MUC22: variants seen among roughly 807,000 people sequenced by gnomAD.
The protein encoded by MUC22 is mucin-22.
Under a neutral mutation model 40.3 loss-of-function variants are expected in MUC22, and 24 were observed. The ratio of observed to expected loss-of-function variants is 0.60; its 90% CI spans 0.43 to 0.84. The LOEUF (loss-of-function observed/expected upper bound fraction) is 0.84. Ranked by LOEUF, MUC22 falls within the 40% of genes least tolerant of loss-of-function variation. MUC22 has a pLI of 0.00. For missense variants in MUC22, 1,926 were observed against 2,130.7 expected, an observed-to-expected ratio of 0.90 and a Z score of 1.89; for synonymous variants, 765 against 844.5, an observed-to-expected ratio of 0.91 and a Z score of 1.63.
chr6:31,024,386 G>A (rs1765103502), intron 1 of MUC22, among the ~76,000 whole-genome samples: 1 of 49,244 alleles, frequency 2.0e-5, no homozygotes, highest in Admixed American at 1.6e-4. Context: ...AGTATTGAAG[G>A]ATAATGAGAC....
chr6:31,034,963 G>A lies in MUC22; in HGVS notation c.*25G>A, dbSNP rs1224069776. On this transcript the variant is annotated 3_prime_UTR_variant, in exon 4 of 4. Transcript: ENST00000561890. ...AGGACACCATGGAGTGGATCACAGA[G>A]GGAGCCACCAAGGAGGCCACGGCAG... 10 of 1,526,800 alleles carry A rather than the reference G, an allele frequency of 6.5e-6. No homozygotes were observed. In the Admixed American group the frequency reaches 7.9e-5, roughly 12 times the overall value. 94.6% of individuals were successfully genotyped at this position (1,526,800 alleles called of 1,614,324 possible). A position where few individuals can be genotyped will look rare whatever the true frequency, so the allele number is the denominator to read the frequency against.
At chr6:31,033,271 GGAAGA>G (rs1404178290) in intron 3 of MUC22, among the ~76,000 whole-genome samples, 27 of 147,012 alleles carry the variant, frequency 1.8e-4, no homozygotes, top group African/African-American at 5.0e-4. Flanking sequence ...GAGAAAGAAA[GGAAGA>G]AAGAAAGAAA....
At chr6:31,031,316 C>A (rs1766049139) in intron 2 of MUC22, among the ~76,000 whole-genome samples, 1 of 152,128 alleles carries the variant, frequency 6.6e-6, no homozygotes, top group South Asian at 2.1e-4. Context: ...CTCACCTCAC[C>A]TTTGCTGATC....
intron 1 of MUC22, among the ~76,000 whole-genome samples, chr6:31,023,132 C>CAA (rs1192808379): frequency 7.4e-6 from 1 of 134,286 alleles, no homozygotes; most frequent in Non-Finnish European, 1.6e-5. Context: ...GCTCAAAAAA[C>CAA]AAAACAAAAC....
upstream of MUC22, among the ~76,000 whole-genome samples, chr6:31,008,508 G>C (rs945086643): frequency 6.6e-6 from 1 of 151,906 alleles, no homozygotes; most frequent in Non-Finnish European, 1.5e-5. Flanking sequence ...ATATGGCCAA[G>C]TATTTACCCA....
intron 1 of MUC22, among the ~76,000 whole-genome samples, chr6:31,021,117 T>G (rs1270709356): frequency 1.3e-5 from 2 of 152,230 alleles, no homozygotes; most frequent in Non-Finnish European, 2.9e-5. Context: ...GCGCATGGCG[T>G]AGGACTGGCA....
rs28993413 is a variant in MUC22 at position 31,016,132 on chromosome 6, CTTTT to C, written c.70+5367_70+5370del. Among the ~76,000 whole-genome samples, 7 of 139,592 alleles carry C rather than the reference CTTTT, an allele frequency of 5.0e-5. 1 individual carries two copies. The highest frequency in any genetic ancestry group is 2.1e-4 in the East Asian group (1 of 4,846). The allele number at this position is 139,592 out of a possible 152,430, so 91.6% of individuals were successfully genotyped here. Reference sequence around the variant, plus strand: ...ACCATTTTTAAGATGGCATCTCTTACTTTTTTTTTTTTTTGTGGGTGCTATACTT... The same window carrying C: ...ACCATTTTTAAGATGGCATCTCTTACTTTTTTTTTTGTGGGTGCTATACTT... On this transcript the variant is annotated intron_variant, in intron 1 of 3. Coordinates refer to ENST00000561890, the Ensembl canonical transcript of MUC22.
exon 4 of MUC22, chr6:31,035,036 T>G: frequency 8.0e-7 from 1 of 1,252,988 alleles, no homozygotes. Context: ...ATATTATGGG[T>G]GGGAGGGGGT....
At chr6:31,016,874 C>G (rs1372463194) in intron 1 of MUC22, among the ~76,000 whole-genome samples, 1 of 152,132 alleles carries the variant, frequency 6.6e-6, no homozygotes, top group Admixed American at 6.5e-5. Flanking sequence ...CCTCGGGGGG[C>G]CCCACACTCT....
chr6:31,015,151 A>G (rs1764104166), intron 1 of MUC22, among the ~76,000 whole-genome samples: 1 of 152,006 alleles, frequency 6.6e-6, no homozygotes, highest in African/African-American at 2.4e-5. Context: ...GCAGATAAAT[A>G]TTGTTTCCTG....
Position 31,034,657 on chromosome 6 carries a change from A to ATTTT in MUC22, c.5056-11_5056-8dup. 2 of 1,519,404 alleles carry ATTTT rather than the reference A, an allele frequency of 1.3e-6. No individual in the cohort carries two copies. Among genetic ancestry groups the ATTTT allele is most frequent in the East Asian group, 2.5e-5 (1 of 40,700 alleles). 94.1% of individuals were successfully genotyped at this position (1,519,404 alleles called of 1,614,324 possible). A position where few individuals can be genotyped will look rare whatever the true frequency, so the allele number is the denominator to read the frequency against. On this transcript the variant is annotated splice_polypyrimidine_tract_variant and intron_variant, in intron 3 of 3. Coordinates refer to ENST00000561890, the Ensembl canonical transcript of MUC22. ...TTAATTTTCATTTATCAATGTATTTATTTTTTTCTTTTAGAGAAACCTTTT... is the reference window on the plus strand; with the variant it reads ...TTAATTTTCATTTATCAATGTATTTATTTTTTTTTTTCTTTTAGAGAAACCTTTT...
At chr6:31,025,012 G>A (rs41291750) in intron 1 of MUC22, among the ~76,000 whole-genome samples, 2 of 151,730 alleles carry the variant, frequency 1.3e-5, no homozygotes, top group South Asian at 2.1e-4. Context: ...TGGGATTATA[G>A]GCATGCGCCA....
rs1016024607 is a variant in MUC22 at position 31,032,266 on chromosome 6, G to T, written c.4740G>T (p.Thr1580=). 1 of 1,535,424 alleles carries T rather than the reference G, an allele frequency of 6.5e-7. No individual in the cohort carries two copies. The highest frequency in any genetic ancestry group is 8.7e-7 in the Non-Finnish European group (1 of 1,146,898). ...CCATGGCCCCTGGAATGGACTTCAC[G>T]GCCTCTGCTGCCAGCCATACTGTGC... Residue 1580 remains threonine, a synonymous_variant, in exon 3 of 4, where the codon ACG becomes ACT. Transcript: ENST00000561890. This position sits in a 1 kb window ranked among gnomAD's most constrained non-coding sequence, Gnocchi z 4.1.
rs199909713 is a variant in MUC22, at chr6:31,028,843, G to C, written c.3412G>C (p.Ala1138Pro). 1,014 of 1,510,628 alleles carry C rather than the reference G, an allele frequency of 6.7e-4. 8 individuals carry two copies. The highest frequency in any genetic ancestry group is 8.1e-4 in the Non-Finnish European group (922 of 1,134,000). The allele number at this position is 1,510,628 out of a possible 1,614,324, so 93.6% of individuals were successfully genotyped here. Residue 1138 changes from alanine (A) to proline (P), a missense_variant, in exon 2 of 4, where the codon GCC becomes CCC. Transcript: ENST00000561890. ...TACCATAGGCTCTGAGACCACCACA[G>C]CCTCTACTGAAGGCTCTGAGACTAC...
exon 2 of MUC22, chr6:31,029,311 G>A: frequency 6.5e-7 from 1 of 1,528,424 alleles, no homozygotes; most frequent in Non-Finnish European, 8.8e-7. Flanking sequence ...TGCAGGTTCT[G>A]AGACCACAGC....
At chr6:31,022,878 C>T (rs1405647643) in intron 1 of MUC22, among the ~76,000 whole-genome samples, 1 of 152,154 alleles carries the variant, frequency 6.6e-6, no homozygotes, top group East Asian at 1.9e-4. Flanking sequence ...GCCTGTAATC[C>T]TAGCCCTTTG....
chr6:31,027,934 ACCACTGCAGCCT>A (rs1765584263), exon 2 of MUC22: 2 of 1,534,838 alleles, frequency 1.3e-6, no homozygotes, highest in Non-Finnish European at 1.7e-6. Context: ...AGGCTCTGGG[ACCACTGCAGCCT>A]CCACTGCAGG....
At chr6:31,027,267 C>T (rs1362580823) in exon 2 of MUC22, 3 of 1,515,786 alleles carry the variant, frequency 2.0e-6, no homozygotes, top group Non-Finnish European at 2.7e-6. Flanking sequence ...CCATCATGGG[C>T]TCTGAGACCA....
exon 2 of MUC22, chr6:31,029,373 G>GACAACC: frequency 6.5e-7 from 1 of 1,535,126 alleles, no homozygotes. Context: ...AAGGCTCTGA[G>GACAACC]ACAACCACAG....
Sources: allele counts gnomAD v4.1 joint callset (sites outside exome capture counted in the v4.1 genomes callset), GRCh38; gene constraint gnomAD v4.1.1; non-coding constraint Gnocchi (gnomAD v3.1); transcripts MANE v1.5; gene names NCBI Gene and HGNC (gene_info 2026-07-23, HGNC 2026-07-21).